Variants in MCTS1 observed in about 807,000 individuals in gnomAD.
MCTS1 encodes the protein malignant T-cell-amplified sequence 1.
For missense variants in MCTS1, 55 were observed against 128.6 expected (o/e 0.43, Z 2.77); for synonymous variants, 26 against 40.8 (o/e 0.64, Z 1.38).
At chrX:120,604,363 C>T (rs1442633240) in intron 1 of MCTS1, 116 bp downstream of exon 1, 2 of 994,546 alleles carry the variant, frequency 2.0e-6, no homozygotes, top group African/African-American at 1.9e-5. Flanking sequence ...CATCCTGACT[C>T]CCTAAGGTTT....
In MCTS1 at chrX:120,612,360, T is replaced by A; in HGVS notation, c.*96T>A. 1.7e-6 allele frequency: 1 copy of A among 581,608 alleles called. No homozygotes were observed. The highest frequency in any genetic ancestry group is 4.5e-5 in the South Asian group (1 of 22,419). The allele number at this position is 581,608 out of a possible 1,213,427, so 47.9% of individuals were successfully genotyped here. ...AGCATGAAGATAATGCCTGTGGTTATGCTGAATAAATTCACCAGATGCTAA... is the reference window on the plus strand; with the variant it reads ...AGCATGAAGATAATGCCTGTGGTTAAGCTGAATAAATTCACCAGATGCTAA... On this transcript the variant is annotated 3_prime_UTR_variant, in exon 6 of 6. Transcript: ENST00000371317.
At chrX:120,609,129 A>G (rs1926617420) in intron 4 of MCTS1, among the ~76,000 whole-genome samples, 5 of 111,768 alleles carry the variant, frequency 4.5e-5, no homozygotes, top group Admixed American at 2.9e-4. Flanking sequence ...TGCCTCGGGT[A>G]TAGAAAAGGA....
chrX:120,612,195 C>T lies in MCTS1; in HGVS notation c.477C>T (p.Asn159=), dbSNP rs1357916844. The T allele has an allele frequency of 8.3e-7, 1 of 1,199,482 alleles. No individual in the cohort carries two copies. Among genetic ancestry groups the T allele is most frequent in the Non-Finnish European group, 1.1e-6 (1 of 888,377 alleles). The change falls in exon 6 of 6, where the codon AAC becomes AAT. Residue 159 remains asparagine (N), a synonymous_variant. Coordinates refer to ENST00000371317, the MANE Select transcript of MCTS1 (RefSeq NM_014060.3). ...KMSAEDIEKV[N]KGIGIENIHY... ...TTTCCTTCTACAGTGAGAAAGTCAA[C>T]AAAGGAATTGGCATTGAAAATATCC...
Position 120,619,129 on chromosome X carries a change from T to G in MCTS1, c.*6865T>G, listed in dbSNP as rs1490115542. ...TTATGAATTTCTTAAAAATAGTTTT[T>G]AAAAAGCTGTTTCAGGAAAAGCTGT... On this transcript the variant is annotated 3_prime_UTR_variant, in exon 6 of 6. Transcript: ENST00000371317. Among the ~76,000 whole-genome samples the G allele has an allele frequency of 8.9e-6, 1 of 112,331 alleles. No individual in the cohort carries two copies. Among genetic ancestry groups the G allele is most frequent in the Admixed American group, 9.5e-5 (1 of 10,560 alleles).
At chrX:120,611,426 T>C (rs190002517) in intron 5 of MCTS1, 106 of 119,407 alleles carry the variant, frequency 8.9e-4, no homozygotes, top group African/African-American at 3.2e-3. Flanking sequence ...TTTTATTTTT[T>C]TAAGTTTTTT....
intron 5 of MCTS1, 28 bp from the exon 6 acceptor site, chrX:120,612,155 T>G: frequency 2.0e-6 from 2 of 1,024,786 alleles, no homozygotes; most frequent in Non-Finnish European, 2.7e-6. Flanking sequence ...CATAAAAGTA[T>G]GTTTATGTGT....
In MCTS1 at chrX:120,612,589, G is replaced by A. The variant is rs1926713947; in HGVS notation, c.*325G>A. 1 of 164,628 alleles carries A rather than the reference G, an allele frequency of 6.1e-6. No individual in the cohort carries two copies. The highest frequency in any genetic ancestry group is 3.2e-5 in the African/African-American group (1 of 31,676). 13.6% of individuals were successfully genotyped at this position (164,628 alleles called of 1,213,427 possible). On this transcript the variant is annotated 3_prime_UTR_variant, in exon 6 of 6. Coordinates refer to ENST00000371317, the MANE Select transcript of MCTS1 (RefSeq NM_014060.3). ...GGTAGACCTCTAGAGAAACTGTCTA[G>A]TTAAATGGGGCTAGAAACTAGACTA...
rs1191764947 is a variant in MCTS1 at position 120,619,103 on chromosome X, CTT to C, written c.*6840_*6841del. On this transcript the variant is annotated 3_prime_UTR_variant, in exon 6 of 6. Coordinates refer to ENST00000371317, the MANE Select transcript of MCTS1 (RefSeq NM_014060.3). ...TCTAAGCTAATGTTCTTAAAAGTAA[CTT>C]ATGAATTTCTTAAAAATAGTTTTTA... is the stretch of plus-strand genomic sequence containing the variant. 4.5e-5 allele frequency among the ~76,000 whole-genome samples: 5 copies of C among 112,160 alleles called. No homozygotes were observed. The highest frequency in any genetic ancestry group is 7.5e-5 in the Non-Finnish European group (4 of 53,252).
At position 120,612,695 on chromosome X, in the gene MCTS1, GT is replaced by G. The variant is rs1926725546; in HGVS notation, c.*432del. ...TGTGTGTGTGTGTGTGTATGTGTGTGTGTGTGTGTGTGTGTGTTTTGTTGAT... is the reference window on the plus strand; with the variant it reads ...TGTGTGTGTGTGTGTGTATGTGTGTGGTGTGTGTGTGTGTGTTTTGTTGAT... On this transcript the variant is annotated 3_prime_UTR_variant, in exon 6 of 6. Coordinates refer to ENST00000371317, the MANE Select transcript of MCTS1 (RefSeq NM_014060.3). 9.4e-6 allele frequency among the ~76,000 whole-genome samples: 1 copy of G among 106,740 alleles called. No homozygotes were observed. The highest frequency in any genetic ancestry group is 1.0e-4 in the Admixed American group (1 of 9,845). 92.7% of individuals were successfully genotyped at this position (106,740 alleles called of 115,157 possible). A position where few individuals can be genotyped will look rare whatever the true frequency, so the allele number is the denominator to read the frequency against.
chrX:120,604,215 G>A lies in MCTS1; in HGVS notation c.-22G>A, dbSNP rs773591325. The A allele has an allele frequency of 3.3e-6, 4 of 1,202,737 alleles. No individual in the cohort carries two copies. Among genetic ancestry groups the A allele is most frequent in the Admixed American group, 2.2e-5 (1 of 45,059 alleles). On this transcript the variant is annotated 5_prime_UTR_variant, in exon 1 of 6. Coordinates refer to ENST00000371317, the MANE Select transcript of MCTS1 (RefSeq NM_014060.3). ...TTCCCATTCCGGGCCCTTCCCTATC[G>A]TCGCCCCCTTCACCTTGGATCATGT...
intron 1 of MCTS1, chrX:120,604,555 G>C: frequency 1.5e-6 from 1 of 645,594 alleles, no homozygotes; most frequent in Non-Finnish European, 2.2e-6. Context: ...TCCGTGCACT[G>C]TGATTTAGAG....
rs1398904407 is a variant in MCTS1 at position 120,617,945 on chromosome X, T to C, written c.*5681T>C. On this transcript the variant is annotated 3_prime_UTR_variant, in exon 6 of 6. Coordinates refer to ENST00000371317, the MANE Select transcript of MCTS1 (RefSeq NM_014060.3). ...ACAATTCAATTGCCTTTTTGGTTCA[T>C]GGGAAGCCATACTGCGGTGGCTTCC... Among the ~76,000 whole-genome samples, 2 of 112,587 alleles carry C rather than the reference T, an allele frequency of 1.8e-5. No homozygotes were observed. Among genetic ancestry groups the C allele is most frequent in the African/African-American group, 6.4e-5 (2 of 31,014 alleles).
chrX:120,605,364 A>G, intron 1 of MCTS1, 43 bp from the exon 2 acceptor site: 3 of 1,122,114 alleles, frequency 2.7e-6, no homozygotes, highest in Non-Finnish European at 3.5e-6. Context: ...TGATACCTCT[A>G]CTTAGAAATG....
chrX:120,608,450 G>T, intron 4 of MCTS1, 92 bp downstream of exon 4: 2 of 951,221 alleles, frequency 2.1e-6, no homozygotes, highest in South Asian at 8.0e-5. Flanking sequence ...AACATTAGAT[G>T]TACTTTTTTG....
intron 1 of MCTS1, chrX:120,604,995 G>C (rs1926496280): frequency 1.4e-6 from 1 of 712,315 alleles, no homozygotes; most frequent in Admixed American, 5.3e-5. Context: ...TGTTATGCTT[G>C]GGTTGGTCTT....
intron 3 of MCTS1, among the ~76,000 whole-genome samples, chrX:120,607,201 A>T (rs1187511426): frequency 9.0e-6 from 1 of 110,683 alleles, no homozygotes; most frequent in Non-Finnish European, 1.9e-5. Context: ...CACCACCTAT[A>T]TATATTTATA....
Position 120,616,909 on chromosome X carries a change from T to C in MCTS1, c.*4645T>C, listed in dbSNP as rs1466630281. Among the ~76,000 whole-genome samples, 3 of 112,156 alleles carry C rather than the reference T, an allele frequency of 2.7e-5. No individual in the cohort carries two copies. The highest frequency in any genetic ancestry group is 5.6e-5 in the Non-Finnish European group (3 of 53,235). ...GTTTTAGAAATGTATTTGTGAAATA[T>C]AGCAAACATAGCTAGTAATACTAAC... is the stretch of plus-strand genomic sequence containing the variant. On this transcript the variant is annotated 3_prime_UTR_variant, in exon 6 of 6. Transcript: ENST00000371317.
rs756958641 is a variant in MCTS1, at chrX:120,612,163, TG to T, written c.465-19del. 2 of 1,096,300 alleles carry T rather than the reference TG, an allele frequency of 1.8e-6. No individual in the cohort carries two copies. The highest frequency in any genetic ancestry group is 3.6e-5 in the African/African-American group (2 of 54,871). 90.3% of individuals were successfully genotyped at this position (1,096,300 alleles called of 1,213,427 possible). On this transcript the variant is annotated intron_variant, in intron 5 of 5. Transcript: ENST00000371317. ...AAAAATGCATAAAAGTATGTTTATG[TG>T]TTTTTTTTCCTTCTACAGTGAGAAA...
At chrX:120,607,418 T>C (rs1926570702) in intron 3 of MCTS1, among the ~76,000 whole-genome samples, 1 of 111,618 alleles carries the variant, frequency 9.0e-6, no homozygotes, top group Non-Finnish European at 1.9e-5. Context: ...CTAGAACTTA[T>C]CGACCTGTAT....
Sources: gnomAD v4.1 joint callset for allele counts (sites outside exome capture counted in the v4.1 genomes callset) on GRCh38, gnomAD v4.1.1 for gene constraint, MANE v1.5 for transcripts, NCBI Gene and HGNC (gene_info 2026-07-23, HGNC 2026-07-21) for gene names.